Variants in HERC1 observed in about 807,000 individuals in gnomAD.
HERC1 encodes the protein probable E3 ubiquitin-protein ligase HERC1.
In HERC1, 160 loss-of-function variants were observed where a neutral mutation model predicts 554.3. That is an observed-to-expected ratio of 0.29 (90% CI 0.25 to 0.33). The LOEUF (loss-of-function observed/expected upper bound fraction) is 0.33, where lower values mean the gene tolerates loss of function less well. Among genes scored for constraint, HERC1 ranks in the 10% least tolerant of loss-of-function variants. The pLI, the probability that HERC1 is intolerant of heterozygous loss-of-function variation, is 1.00. For missense variants in HERC1, 4,919 were observed against 5,918.5 expected (o/e 0.83, Z 5.54); for synonymous variants, 2,175 against 2,131.7 (o/e 1.02, Z -0.56).
chr15:63,678,043 A>G lies in HERC1; in HGVS notation c.6872T>C (p.Leu2291Pro). The G allele has an allele frequency of 6.2e-7, 1 of 1,613,990 alleles. No homozygotes were observed. The highest frequency in any genetic ancestry group is 8.5e-7 in the Non-Finnish European group (1 of 1,179,894). ...AAGAGTCCTCAGCTGCAGCTCTGAG[A>G]GGTCAGCGAGGCCATGCCTAGTATG... ...GKHTRHGLAD[L>P]SELQLRTLCI... The change falls in exon 37 of 78, where the codon CTC becomes CCC. Residue 2291 changes from leucine to proline, a missense_variant. By Grantham distance (98) the Leu-to-Pro change is moderately conservative. Around this residue, in one of 11 missense-constraint regions of HERC1, gnomAD observed 1,963 missense variants for 2,228.6 expected, o/e 0.88. Coordinates refer to ENST00000443617, the MANE Select transcript of HERC1 (RefSeq NM_003922.4).
intron 33 of HERC1, 49 bp from the exon 34 acceptor site, chr15:63,686,584 G>C (rs755144963): frequency 2.0e-6 from 3 of 1,516,680 alleles, no homozygotes; most frequent in South Asian, 2.4e-5. Flanking sequence ...CCATGTCTCA[G>C]ATAAGATATA....
chr15:63,702,660 G>A (rs1443822036), intron 25 of HERC1, among the ~76,000 whole-genome samples: 1 of 152,206 alleles, frequency 6.6e-6, no homozygotes, highest in Non-Finnish European at 1.5e-5. Context: ...TTATCAGGCT[G>A]TTATGAAAAT....
At chr15:63,707,512 A>G (rs2073071324) in intron 24 of HERC1, among the ~76,000 whole-genome samples, 1 of 152,210 alleles carries the variant, frequency 6.6e-6, no homozygotes, top group Non-Finnish European at 1.5e-5. Context: ...CTATATGTAC[A>G]GGCAACCATA....
chr15:63,738,565 TA>T (rs1596113548), intron 12 of HERC1, among the ~76,000 whole-genome samples: 1 of 152,098 alleles, frequency 6.6e-6, no homozygotes, highest in East Asian at 1.9e-4. Flanking sequence ...AAAAATTTTT[TA>T]AAGAAGAAAA....
intron 1 of HERC1, among the ~76,000 whole-genome samples, chr15:63,812,159 C>T (rs771347650): frequency 6.6e-5 from 10 of 152,164 alleles, no homozygotes; most frequent in African/African-American, 2.4e-5. Context: ...AAAAGCCAGA[C>T]AGCAAGATGA....
At chr15:63,616,332 G>T in intron 75 of HERC1, 98 bp downstream of exon 75, 1 of 1,278,396 alleles carries the variant, frequency 7.8e-7, no homozygotes, top group South Asian at 1.4e-5. Context: ...CAGCCAGACA[G>T]CAAGTGGAAG....
At chr15:63,697,322 T>C (rs2072473833) in intron 26 of HERC1, among the ~76,000 whole-genome samples, 1 of 152,164 alleles carries the variant, frequency 6.6e-6, no homozygotes. Context: ...TAGATGTCCC[T>C]AAATTTTGGG....
At chr15:63,641,217 T>C (rs2069042843) in intron 60 of HERC1, among the ~76,000 whole-genome samples, 1 of 152,100 alleles carries the variant, frequency 6.6e-6, no homozygotes, top group Non-Finnish European at 1.5e-5. Flanking sequence ...TTGGAGTGAA[T>C]AAATAATCTG....
At position 63,690,564 on chromosome 15, in the gene HERC1, C is replaced by T. The variant is rs200362466; in HGVS notation, c.5914G>A (p.Val1972Ile). The T allele has an allele frequency of 1.7e-4, 271 of 1,611,438 alleles. No homozygotes were observed. Among genetic ancestry groups the T allele is most frequent in the Non-Finnish European group, 2.2e-4 (254 of 1,178,166 alleles). The change falls in exon 32 of 78, where the codon GTA (valine) becomes ATA (isoleucine). Residue 1972 changes from valine to isoleucine, a missense_variant. Around this residue, in one of 11 missense-constraint regions of HERC1, gnomAD observed 1,121 missense variants for 1,244.0 expected, o/e 0.90. Coordinates refer to ENST00000443617, the MANE Select transcript of HERC1 (RefSeq NM_003922.4). Reference protein sequence around the residue: ...EAVLPACESGVEDDQMAQIVE... With the variant: ...EAVLPACESGIEDDQMAQIVE... ...ACCTGGGCCATTTGATCATCTTCTA[C>T]ACCAGATTCACAAGCTGGCAGCACA...
intron 23 of HERC1, 62 bp from the exon 24 acceptor site, chr15:63,712,957 G>T: frequency 1.4e-6 from 2 of 1,476,596 alleles, no homozygotes; most frequent in Non-Finnish European, 1.8e-6. Flanking sequence ...ACATAAAATT[G>T]AATGGAATTG....
intron 39 of HERC1, among the ~76,000 whole-genome samples, chr15:63,672,148 T>C (rs2070962262): frequency 6.6e-6 from 1 of 151,694 alleles, no homozygotes; most frequent in African/African-American, 2.4e-5. Context: ...TTCATGGAGG[T>C]GAATATTCCA....
chr15:63,691,571 G>C (rs78594811), intron 31 of HERC1, among the ~76,000 whole-genome samples: 1,635 of 152,016 alleles, frequency 0.011, 28 homozygotes, highest in African/African-American at 0.038. Flanking sequence ...AATAAGATCA[G>C]TTGAAAATAA....
At chr15:63,625,870 C>A in intron 71 of HERC1, 115 bp downstream of exon 71, 4 of 1,026,834 alleles carry the variant, frequency 3.9e-6, no homozygotes, top group Non-Finnish European at 3.0e-6. Context: ...ATCTTATTAG[C>A]CATGAAAGAA....
chr15:63,751,838 TTATTATTAC>T (rs2075258846), intron 8 of HERC1, among the ~76,000 whole-genome samples: 1 of 152,146 alleles, frequency 6.6e-6, no homozygotes, highest in African/African-American at 2.4e-5. Context: ...GGATTTATTA[TTATTATTAC>T]TATTATTACT....
At chr15:63,735,804 A>G (rs1248752411) in intron 12 of HERC1, among the ~76,000 whole-genome samples, 1 of 152,224 alleles carries the variant, frequency 6.6e-6, no homozygotes, top group Non-Finnish European at 1.5e-5. Flanking sequence ...CAAGTACACA[A>G]GAAGAATAAC....
At chr15:63,650,362 A>C (rs191265965) in intron 53 of HERC1, among the ~76,000 whole-genome samples, 43 of 152,232 alleles carry the variant, frequency 2.8e-4, no homozygotes, top group Admixed American at 2.8e-3. Context: ...TGACAGAGCA[A>C]GACTCCGTCT....
At chr15:63,614,123 A>G (rs1031904717) in intron 76 of HERC1, among the ~76,000 whole-genome samples, 1 of 152,222 alleles carries the variant, frequency 6.6e-6, no homozygotes, top group Non-Finnish European at 1.5e-5. Flanking sequence ...TTCATATATA[A>G]AGAAAGAGGA....
chr15:63,827,521 G>A (rs2077984110), intron 1 of HERC1, among the ~76,000 whole-genome samples: 1 of 151,810 alleles, frequency 6.6e-6, no homozygotes, highest in African/African-American at 2.4e-5. Flanking sequence ...GTGAAAAAAA[G>A]TGCAAAAGAG....
chr15:63,723,323 G>T lies in HERC1; in HGVS notation c.3601C>A (p.Leu1201Ile), dbSNP rs1486541087. 6.3e-7 allele frequency: 1 copy of T among 1,592,250 alleles called. No individual in the cohort carries two copies. Among genetic ancestry groups the T allele is most frequent in the Non-Finnish European group, 8.6e-7 (1 of 1,168,812 alleles). ...KCMSCLLEVA[L>I]SGNEEQKPFD... ...GGCTTCTGTTCTTCATTTCCAGAAA[G>T]TGCTACTTCTAACAGGCAACTCATA... Residue 1201 changes from leucine to isoleucine, a missense_variant, in exon 19 of 78, where the codon CTT (leucine) becomes ATT (isoleucine). Around this residue, in one of 11 missense-constraint regions of HERC1, gnomAD observed 1,121 missense variants for 1,244.0 expected, o/e 0.90. Coordinates refer to ENST00000443617, the MANE Select transcript of HERC1 (RefSeq NM_003922.4).
Sources: gnomAD v4.1 joint callset for allele counts (sites outside exome capture counted in the v4.1 genomes callset) on GRCh38, gnomAD v4.1.1 for gene constraint, gnomAD v4.1.1 regional missense constraint, MANE v1.5 for transcripts, NCBI Gene and HGNC (gene_info 2026-07-23, HGNC 2026-07-21) for gene names.